Variants in PHF20L1 observed in about 807,000 individuals in gnomAD.
PHF20L1 encodes PHD finger protein 20-like protein 1.
In PHF20L1, 44 loss-of-function variants were observed where a neutral mutation model predicts 125.5. The observed-to-expected ratio is 0.35, with a 90% confidence interval of 0.28 to 0.45. PHF20L1 has a LOEUF of 0.45. Ranked by LOEUF, PHF20L1 falls within the 20% of genes least tolerant of loss-of-function variation. The probability of loss-of-function intolerance (pLI) is 1.00; values close to 1 mark genes in which losing one functional copy is unlikely to be tolerated. For missense variants in PHF20L1, 1,012 were observed against 1,217.2 expected (o/e 0.83, Z 2.51); for synonymous variants, 380 against 403.1 (o/e 0.94, Z 0.69).
Position 132,842,769 on chromosome 8 carries a change from G to C in PHF20L1, c.2642G>C (p.Ser881Thr). The C allele has an allele frequency of 6.2e-7, 1 of 1,613,372 alleles. No homozygotes were observed. ...QDCKSLADPG[S>T]SDDDDVSSLE... Reference sequence around the variant, plus strand: ...TGTAAATCTCTCGCAGACCCTGGGAGCTCAGATGATGATGATGTTAGTAGT... The same window carrying C: ...TGTAAATCTCTCGCAGACCCTGGGACCTCAGATGATGATGATGTTAGTAGT... The change falls in exon 19 of 21, where the codon AGC becomes ACC. Residue 881 changes from serine to threonine, a missense_variant. Coordinates refer to ENST00000395386, the MANE Select transcript of PHF20L1 (RefSeq NM_016018.5).
intron 2 of PHF20L1, among the ~76,000 whole-genome samples, chr8:132,789,899 G>A (rs2131398915): frequency 6.6e-6 from 1 of 152,176 alleles, no homozygotes; most frequent in East Asian, 1.9e-4. Context: ...TCTTTCTGTT[G>A]AACCCTTGAG....
intron 15 of PHF20L1, among the ~76,000 whole-genome samples, chr8:132,833,609 G>A (rs1837019390): frequency 6.6e-6 from 1 of 152,090 alleles, no homozygotes; most frequent in African/African-American, 2.4e-5. Context: ...TGGAGAAGCA[G>A]AGGTTGATAA....
intron 8 of PHF20L1, chr8:132,807,244 TATGTC>T: frequency 6.4e-6 from 1 of 157,084 alleles, no homozygotes; most frequent in Admixed American, 6.3e-5. Flanking sequence ...TATTTTTCAT[TATGTC>T]ATGTACCTTA....
At chr8:132,817,126 A>G (rs959027762) in intron 11 of PHF20L1, 50 bp downstream of exon 11, 12 of 1,148,428 alleles carry the variant, frequency 1.0e-5, no homozygotes, top group Non-Finnish European at 1.5e-5. Flanking sequence ...AAGATAAAGA[A>G]AAAACTAAGA....
intron 6 of PHF20L1, among the ~76,000 whole-genome samples, chr8:132,801,641 T>C (rs568406955): frequency 2.0e-5 from 3 of 151,820 alleles, no homozygotes; most frequent in South Asian, 4.1e-4. Context: ...AAAAATGTGT[T>C]ATATTTGAGT....
intron 9 of PHF20L1, chr8:132,811,529 T>G (rs1834389532): frequency 1.5e-5 from 15 of 987,984 alleles, no homozygotes; most frequent in Non-Finnish European, 1.7e-5. Flanking sequence ...ACAATTGGTG[T>G]TGTTAGACTG....
intron 12 of PHF20L1, among the ~76,000 whole-genome samples, chr8:132,820,948 A>AT (rs902955145): frequency 3.2e-4 from 48 of 149,462 alleles, no homozygotes; most frequent in East Asian, 1.4e-3. Context: ...ACCCATCTTC[A>AT]TTTTTTTTTT....
At chr8:132,843,305 C>T (rs1358098397) in intron 19 of PHF20L1, 2 of 984,428 alleles carry the variant, frequency 2.0e-6, no homozygotes, top group Non-Finnish European at 1.2e-6. Context: ...TCAATGCATC[C>T]CACTATTCAG....
chr8:132,793,878 CATATTT>C (rs1237889040), intron 2 of PHF20L1, among the ~76,000 whole-genome samples: 1 of 152,072 alleles, frequency 6.6e-6, no homozygotes, highest in African/African-American at 2.4e-5. Context: ...ACAAAATTTA[CATATTT>C]ATATTTATGC....
chr8:132,776,362 T>G lies in PHF20L1; in HGVS notation c.-38+717T>G, dbSNP rs1255763055. On this transcript the variant is annotated intron_variant, in intron 1 of 20. Transcript: ENST00000395386. ...ACTATCCCTTACTGAATTCTTCCTG[T>G]GACAGACAGCAGAAAAGGTTGATTC... Among the ~76,000 whole-genome samples, 4 of 152,222 alleles carry G rather than the reference T, an allele frequency of 2.6e-5. 1 individual carries two copies. Among genetic ancestry groups the G allele is most frequent in the African/African-American group, 9.6e-5 (4 of 41,458 alleles).
intron 15 of PHF20L1, among the ~76,000 whole-genome samples, chr8:132,835,412 CTCCA>C (rs1324103431): frequency 6.6e-6 from 1 of 152,094 alleles, no homozygotes; most frequent in Non-Finnish European, 1.5e-5. Flanking sequence ...CCTAACATTT[CTCCA>C]TCCAAACTAC....
chr8:132,776,805 A>T (rs958943673), intron 1 of PHF20L1, among the ~76,000 whole-genome samples: 6 of 152,236 alleles, frequency 3.9e-5, no homozygotes, highest in Admixed American at 3.9e-4. Flanking sequence ...AAATACCGAA[A>T]GACATTTTAC....
chr8:132,827,313 A>G (rs1407282969), intron 14 of PHF20L1, among the ~76,000 whole-genome samples: 1 of 152,076 alleles, frequency 6.6e-6, no homozygotes, highest in Non-Finnish European at 1.5e-5. Flanking sequence ...CAATACAGAA[A>G]TGAGAAGCTC....
At chr8:132,833,952 C>G (rs1430491063) in intron 15 of PHF20L1, among the ~76,000 whole-genome samples, 2 of 152,052 alleles carry the variant, frequency 1.3e-5, no homozygotes, top group Non-Finnish European at 2.9e-5. Context: ...CCAGCAAGTT[C>G]CCCGGTGATG....
chr8:132,804,161 T>C (rs1833412779), intron 7 of PHF20L1, 129 bp downstream of exon 7: 1 of 651,220 alleles, frequency 1.5e-6, no homozygotes, highest in Non-Finnish European at 2.6e-6. Context: ...TAGCATAATA[T>C]GATGGCTAAC....
chr8:132,805,477 T>C (rs909701614), intron 8 of PHF20L1, among the ~76,000 whole-genome samples: 1 of 151,924 alleles, frequency 6.6e-6, no homozygotes, highest in Non-Finnish European at 1.5e-5. Flanking sequence ...TCAAAAGAAA[T>C]TGTGAACATA....
chr8:132,802,172 T>G (rs541000548), intron 6 of PHF20L1, among the ~76,000 whole-genome samples: 1 of 151,432 alleles, frequency 6.6e-6, no homozygotes, highest in Non-Finnish European at 1.5e-5. Flanking sequence ...GATGGTGCTT[T>G]CTTTTCTTAC....
intron 6 of PHF20L1, chr8:132,803,572 A>G: frequency 2.4e-6 from 1 of 416,388 alleles, no homozygotes; most frequent in Non-Finnish European, 4.3e-6. Flanking sequence ...GTGAAAATAT[A>G]TCCATGGAAT....
chr8:132,831,060 T>C (rs932592022), intron 14 of PHF20L1, among the ~76,000 whole-genome samples: 12 of 152,032 alleles, frequency 7.9e-5, no homozygotes, highest in African/African-American at 2.9e-4. Context: ...CCTGGACTAC[T>C]GCTGTAGCCT....
Sources: gnomAD v4.1 joint callset for allele counts (sites outside exome capture counted in the v4.1 genomes callset) on GRCh38, gnomAD v4.1.1 for gene constraint, MANE v1.5 for transcripts, NCBI Gene and HGNC (gene_info 2026-07-23, HGNC 2026-07-21) for gene names.